The following STPG2 variants were observed in gnomAD, a reference collection of about 807,000 sequenced individuals.
The protein encoded by STPG2 is sperm tail PG-rich repeat containing 2.
Under a neutral mutation model 54.2 loss-of-function variants are expected in STPG2, and 56 were observed. The observed-to-expected ratio is 1.03, with a 90% CI of 0.83 to 1.29. The LOEUF (loss-of-function observed/expected upper bound fraction) is 1.29. Ranked by LOEUF, STPG2 falls within the 50% of genes most tolerant of loss-of-function variation. STPG2 has a pLI of 0.00. For synonymous variants in STPG2, 200 were observed against 181.8 expected (o/e 1.10, Z -0.81); for missense variants, 596 against 544.9 (o/e 1.09, Z -0.93).
At chr4:97,616,165 G>T (rs996756963) in intron 10 of STPG2, among the ~76,000 whole-genome samples, 1 of 140,902 alleles carries the variant, frequency 7.1e-6, no homozygotes, top group Non-Finnish European at 1.5e-5. Context: ...GTGATATAAA[G>T]ATGAGATCAT....
intron 4 of STPG2, among the ~76,000 whole-genome samples, chr4:97,542,299 A>T (rs918166633): frequency 6.6e-6 from 1 of 152,226 alleles, no homozygotes; most frequent in Admixed American, 6.5e-5. Flanking sequence ...CCCATCAAAA[A>T]GTGGCAAAGG....
At chr4:98,111,303 G>A (rs1739341592) in intron 3 of STPG2, among the ~76,000 whole-genome samples, 1 of 152,124 alleles carries the variant, frequency 6.6e-6, no homozygotes, top group African/African-American at 2.4e-5. Flanking sequence ...CGAGTAGGGG[G>A]CAATTCTCAA....
At chr4:97,797,538 C>T (rs1727237148) in intron 9 of STPG2, among the ~76,000 whole-genome samples, 1 of 152,106 alleles carries the variant, frequency 6.6e-6, no homozygotes, top group Non-Finnish European at 1.5e-5. Flanking sequence ...GGGATGAAGC[C>T]CACTTGATCA....
intron 10 of STPG2, among the ~76,000 whole-genome samples, chr4:97,709,302 T>A (rs1283756779): frequency 6.6e-6 from 1 of 151,674 alleles, no homozygotes; most frequent in East Asian, 1.9e-4. Flanking sequence ...AATTTAGAAC[T>A]GAAAATAAGT....
intron 5 of STPG2, among the ~76,000 whole-genome samples, chr4:98,063,064 A>C (rs1737712402): frequency 6.6e-6 from 1 of 152,152 alleles, no homozygotes; most frequent in Non-Finnish European, 1.5e-5. Flanking sequence ...CTTCTAACAC[A>C]GTAAAACCAG....
At chr4:97,747,379 T>G (rs1157905692) in intron 9 of STPG2, among the ~76,000 whole-genome samples, 1 of 151,408 alleles carries the variant, frequency 6.6e-6, no homozygotes, top group African/African-American at 2.4e-5. Flanking sequence ...ATCCATGTTG[T>G]CAAACTCCTA....
At chr4:97,714,498 T>C (rs772544014) in intron 9 of STPG2, among the ~76,000 whole-genome samples, 1 of 152,082 alleles carries the variant, frequency 6.6e-6, no homozygotes, top group Non-Finnish European at 1.5e-5. Flanking sequence ...TCAATTAAGA[T>C]ATAGCTATCT....
At chr4:97,708,533 C>T (rs745817284) in intron 10 of STPG2, among the ~76,000 whole-genome samples, 11 of 151,534 alleles carry the variant, frequency 7.3e-5, no homozygotes, top group Non-Finnish European at 1.3e-4. Flanking sequence ...AAGAATTTTT[C>T]CTTAAGAAAT....
chr4:97,750,926 C>T (rs972399241), intron 9 of STPG2, among the ~76,000 whole-genome samples: 1 of 151,694 alleles, frequency 6.6e-6, no homozygotes, highest in Non-Finnish European at 1.5e-5. Flanking sequence ...TTTCCTTCCT[C>T]CATGAGAAAA....
At chr4:97,578,219 C>T (rs944842069) in intron 10 of STPG2, among the ~76,000 whole-genome samples, 13 of 151,846 alleles carry the variant, frequency 8.6e-5, no homozygotes, top group Admixed American at 2.0e-4. Flanking sequence ...ATTGTCCCAC[C>T]TCAACCTCCC....
At chr4:97,882,512 T>G (rs759637822) in intron 8 of STPG2, among the ~76,000 whole-genome samples, 24 of 152,126 alleles carry the variant, frequency 1.6e-4, no homozygotes, top group Non-Finnish European at 1.6e-4. Context: ...CTGTGAAAGA[T>G]CCAGCCAGAT....
intron 8 of STPG2, among the ~76,000 whole-genome samples, chr4:97,906,588 C>T (rs1731433913): frequency 6.6e-6 from 1 of 152,136 alleles, no homozygotes. Flanking sequence ...GACCAATATC[C>T]TTGATGAACA....
At chr4:97,903,892 G>A (rs888587305) in intron 8 of STPG2, among the ~76,000 whole-genome samples, 5 of 152,292 alleles carry the variant, frequency 3.3e-5, no homozygotes, top group East Asian at 3.9e-4. Context: ...CTTTTCCAAC[G>A]GGCTTAAAAA....
intron 8 of STPG2, among the ~76,000 whole-genome samples, chr4:97,906,209 A>G (rs1012390319): frequency 2.0e-4 from 30 of 152,354 alleles, no homozygotes; most frequent in Admixed American, 5.2e-4. Context: ...ACAGAAATAC[A>G]AACTACTATC....
chr4:97,749,983 T>G (rs1725534705), intron 9 of STPG2, among the ~76,000 whole-genome samples: 1 of 151,838 alleles, frequency 6.6e-6, no homozygotes, highest in South Asian at 2.1e-4. Flanking sequence ...GGTACCACCA[T>G]AAAACTACTT....
intron 9 of STPG2, among the ~76,000 whole-genome samples, chr4:97,746,220 T>C (rs534554887): frequency 2.8e-4 from 42 of 151,338 alleles, no homozygotes; most frequent in African/African-American, 1.0e-3. Context: ...TGTATACACA[T>C]AAAACATATA....
chr4:97,864,964 T>C (rs1199280067), intron 8 of STPG2, among the ~76,000 whole-genome samples: 1 of 152,056 alleles, frequency 6.6e-6, no homozygotes, highest in Non-Finnish European at 1.5e-5. Context: ...AAGACTTAAA[T>C]ATTATACCTA....
intron 3 of STPG2, among the ~76,000 whole-genome samples, chr4:98,113,099 A>C (rs1245877455): frequency 6.6e-6 from 1 of 151,908 alleles, no homozygotes; most frequent in Non-Finnish European, 1.5e-5. Flanking sequence ...GAACCTTTCT[A>C]ACAGAGTATA....
intron 9 of STPG2, among the ~76,000 whole-genome samples, chr4:97,810,996 T>C (rs1389657471): frequency 2.0e-5 from 3 of 152,168 alleles, no homozygotes; most frequent in Non-Finnish European, 2.9e-5. Context: ...TATTCTTTTG[T>C]TCACTTCTTA....
Sources: gnomAD v4.1 joint callset for allele counts (sites outside exome capture counted in the v4.1 genomes callset) on GRCh38, gnomAD v4.1.1 for gene constraint, MANE v1.5 for transcripts, NCBI Gene and HGNC (gene_info 2026-07-23, HGNC 2026-07-21) for gene names.